The following KIF6 variants were observed in gnomAD, a reference collection of about 807,000 sequenced individuals.
KIF6 encodes kinesin family member 6.
A neutral mutation model predicts 112.7 loss-of-function variants in KIF6; 106 were observed. The ratio of observed to expected loss-of-function variants is 0.94; its 90% CI spans 0.80 to 1.11. The LOEUF (loss-of-function observed/expected upper bound fraction) is 1.11. Ranked by LOEUF, KIF6 falls within the 50% of genes least tolerant of loss-of-function variation. KIF6 has a pLI of 0.00. For synonymous variants in KIF6, 339 were observed against 339.9 expected (o/e 1.00, Z 0.03); for missense variants, 929 against 964.0 (o/e 0.96, Z 0.48).
At chr6:39,488,669 A>G (rs1031834854) in intron 13 of KIF6, among the ~76,000 whole-genome samples, 1 of 152,196 alleles carries the variant, frequency 6.6e-6, no homozygotes, top group Non-Finnish European at 1.5e-5. Context: ...CAATTGGTAA[A>G]TATCTGCTGA....
intron 10 of KIF6, among the ~76,000 whole-genome samples, chr6:39,555,519 G>T (rs1779654276): frequency 1.3e-5 from 2 of 152,248 alleles, no homozygotes; most frequent in East Asian, 1.9e-4. Context: ...TAACAGAATG[G>T]AACAGAGGTC....
At chr6:39,500,294 G>C (rs925760923) in intron 13 of KIF6, among the ~76,000 whole-genome samples, 2 of 152,184 alleles carry the variant, frequency 1.3e-5, no homozygotes, top group Middle Eastern at 3.2e-3. Flanking sequence ...ATTATTAAAC[G>C]GAAAGACAGG....
intron 2 of KIF6, among the ~76,000 whole-genome samples, chr6:39,720,139 T>C (rs1313740993): frequency 6.6e-6 from 1 of 152,238 alleles, no homozygotes; most frequent in Non-Finnish European, 1.5e-5. Flanking sequence ...TGAGATATTT[T>C]ACATTCTTTT....
intron 4 of KIF6, among the ~76,000 whole-genome samples, chr6:39,637,382 G>A (rs1449761872): frequency 6.6e-6 from 1 of 152,002 alleles, no homozygotes; most frequent in Non-Finnish European, 1.5e-5. Context: ...TTGCCAGACT[G>A]TAATGTAACA....
intron 15 of KIF6, among the ~76,000 whole-genome samples, chr6:39,387,403 C>T (rs1767517325): frequency 6.6e-6 from 1 of 152,156 alleles, no homozygotes; most frequent in Admixed American, 6.5e-5. Flanking sequence ...CCACTATCTC[C>T]AGACACATCA....
intron 19 of KIF6, among the ~76,000 whole-genome samples, chr6:39,350,827 A>G (rs1764185884): frequency 6.6e-6 from 1 of 152,100 alleles, no homozygotes; most frequent in Non-Finnish European, 1.5e-5. Context: ...TCACCTGCCT[A>G]GTGTGACCGT....
chr6:39,500,843 C>T (rs1776087735), intron 13 of KIF6, among the ~76,000 whole-genome samples: 1 of 151,974 alleles, frequency 6.6e-6, no homozygotes, highest in Non-Finnish European at 1.5e-5. Flanking sequence ...TGGAAGCTCT[C>T]TTAGAAGCAG....
intron 13 of KIF6, among the ~76,000 whole-genome samples, chr6:39,513,051 AG>A (rs1170358821): frequency 2.0e-5 from 3 of 152,210 alleles, no homozygotes; most frequent in Non-Finnish European, 4.4e-5. Context: ...AAAATCACAC[AG>A]CTATTGAGGG....
chr6:39,341,643 A>T (rs934656169), intron 22 of KIF6, among the ~76,000 whole-genome samples: 10 of 152,108 alleles, frequency 6.6e-5, no homozygotes, highest in African/African-American at 2.4e-4. Flanking sequence ...TTGGACATCA[A>T]ATGTCATCTG....
At chr6:39,701,951 T>C (rs1788900798) in intron 3 of KIF6, among the ~76,000 whole-genome samples, 1 of 152,222 alleles carries the variant, frequency 6.6e-6, no homozygotes, top group East Asian at 1.9e-4. Flanking sequence ...ATACACAAAA[T>C]AGATCAAGTC....
intron 10 of KIF6, among the ~76,000 whole-genome samples, chr6:39,552,069 T>C (rs1398577109): frequency 1.3e-5 from 2 of 152,170 alleles, no homozygotes; most frequent in Non-Finnish European, 2.9e-5. Context: ...GCATACACAC[T>C]AATGTTAAGA....
chr6:39,555,480 G>T (rs945985736), intron 10 of KIF6, among the ~76,000 whole-genome samples: 1 of 152,152 alleles, frequency 6.6e-6, no homozygotes, highest in African/African-American at 2.4e-5. Flanking sequence ...GTACTTGTAG[G>T]GGGTAGGAGT....
intron 12 of KIF6, among the ~76,000 whole-genome samples, chr6:39,543,905 A>T (rs147422469): frequency 1.4e-3 from 209 of 152,270 alleles, no homozygotes; most frequent in African/African-American, 5.0e-3. Flanking sequence ...AGCCAATAAG[A>T]ATTCTATCTT....
At chr6:39,463,763 A>G (rs1184575404) in intron 13 of KIF6, among the ~76,000 whole-genome samples, 2 of 152,188 alleles carry the variant, frequency 1.3e-5, no homozygotes, top group African/African-American at 4.8e-5. Flanking sequence ...CTTTTATTAA[A>G]TAAAAATTCC....
At chr6:39,433,508 TA>T (rs1311378341) in intron 13 of KIF6, among the ~76,000 whole-genome samples, 4 of 152,240 alleles carry the variant, frequency 2.6e-5, no homozygotes, top group Non-Finnish European at 5.9e-5. Flanking sequence ...AAAAGGCACT[TA>T]GGGGTCCTGA....
intron 3 of KIF6, among the ~76,000 whole-genome samples, chr6:39,714,065 T>C (rs1421068241): frequency 6.6e-6 from 1 of 152,220 alleles, no homozygotes. Flanking sequence ...TATGGATTCC[T>C]TATAAGAGGA....
chr6:39,344,957 T>C (rs1374508389), intron 21 of KIF6, among the ~76,000 whole-genome samples: 1 of 152,142 alleles, frequency 6.6e-6, no homozygotes, highest in Non-Finnish European at 1.5e-5. Flanking sequence ...TGTGTGGGAA[T>C]CTCCTTAGAA....
At chr6:39,411,067 G>C (rs1307047880) in intron 15 of KIF6, among the ~76,000 whole-genome samples, 1 of 152,162 alleles carries the variant, frequency 6.6e-6, no homozygotes, top group African/African-American at 2.4e-5. Context: ...TCATACCTTT[G>C]AGCTAAGAAA....
chr6:39,550,127 T>G (rs989845362), intron 10 of KIF6, among the ~76,000 whole-genome samples: 3 of 152,348 alleles, frequency 2.0e-5, no homozygotes, highest in Non-Finnish European at 4.4e-5. Flanking sequence ...TATGTTATGT[T>G]TAACTGTTTT....
Sources: allele counts gnomAD v4.1 joint callset (sites outside exome capture counted in the v4.1 genomes callset), GRCh38; gene constraint gnomAD v4.1.1; transcripts MANE v1.5; gene names NCBI Gene and HGNC (gene_info 2026-07-23, HGNC 2026-07-21).